The following SCUBE1 variants were observed in gnomAD, a reference collection of about 807,000 sequenced individuals.
The protein encoded by SCUBE1 is signal peptide, CUB and EGF-like domain-containing protein 1.
Under a neutral mutation model 124.4 loss-of-function variants are expected in SCUBE1, and 59 were observed. The observed-to-expected ratio is 0.47, with a 90% CI of 0.38 to 0.59. SCUBE1 has a LOEUF of 0.59. SCUBE1 is among the 20% of genes least tolerant of loss of function. SCUBE1 has a pLI of 0.00. For missense variants in SCUBE1, 1,150 were observed against 1,371.2 expected (o/e 0.84, Z 2.55); for synonymous variants, 545 against 550.9 (o/e 0.99, Z 0.15).
intron 4 of SCUBE1, among the ~76,000 whole-genome samples, chr22:43,263,057 C>T (rs376811241): frequency 1.1e-4 from 17 of 152,218 alleles, no homozygotes; most frequent in African/African-American, 2.4e-4. Flanking sequence ...AGCAAGGGCA[C>T]GGTGCCTGGG....
chr22:43,236,601 T>A (rs1487758817), intron 7 of SCUBE1, among the ~76,000 whole-genome samples: 1 of 152,210 alleles, frequency 6.6e-6, no homozygotes, highest in East Asian at 1.9e-4. Flanking sequence ...CCGCCTCCTT[T>A]GCGTCCTTCC....
intron 15 of SCUBE1, among the ~76,000 whole-genome samples, chr22:43,215,938 G>A (rs1000664243): frequency 3.3e-5 from 5 of 152,046 alleles, no homozygotes; most frequent in African/African-American, 1.2e-4. Flanking sequence ...TGGGAGACGG[G>A]GCAGATGTGG....
chr22:43,330,400 C>T (rs1041873850), intron 2 of SCUBE1, among the ~76,000 whole-genome samples: 1 of 152,180 alleles, frequency 6.6e-6, no homozygotes, highest in Non-Finnish European at 1.5e-5. Context: ...TGAATTTCTT[C>T]CCCTCCTCAG....
intron 3 of SCUBE1, among the ~76,000 whole-genome samples, chr22:43,319,580 A>AAAAG (rs869134813): frequency 6.7e-6 from 1 of 149,610 alleles, no homozygotes; most frequent in Non-Finnish European, 1.5e-5. Context: ...AAAAAAAAAA[A>AAAAG]GAAGAGGAGA....
chr22:43,243,357 TG>T, intron 6 of SCUBE1, among the ~76,000 whole-genome samples: 1 of 152,158 alleles, frequency 6.6e-6, no homozygotes, highest in Non-Finnish European at 1.5e-5. Context: ...CAGGGCTGGC[TG>T]GGGCTCGAAA....
At chr22:43,287,310 CT>C (rs1925184705) in intron 4 of SCUBE1, among the ~76,000 whole-genome samples, 3 of 152,236 alleles carry the variant, frequency 2.0e-5, no homozygotes, top group Admixed American at 2.0e-4. Flanking sequence ...GTCGCTACTC[CT>C]AGGACAGGTG....
intron 8 of SCUBE1, among the ~76,000 whole-genome samples, chr22:43,230,211 A>G (rs1192354440): frequency 2.0e-5 from 3 of 152,088 alleles, no homozygotes; most frequent in African/African-American, 7.2e-5. Context: ...CTAGGAGGTA[A>G]GAGCATGGGG....
chr22:43,236,280 G>A lies in SCUBE1; in HGVS notation c.844+2558C>T, dbSNP rs764373851. 2.6e-5 allele frequency among the ~76,000 whole-genome samples: 4 copies of A among 152,232 alleles called. No homozygotes were observed. In the East Asian group the frequency reaches 5.8e-4, roughly 22 times the overall value. On this transcript the variant is annotated intron_variant, in intron 7 of 21. Transcript: ENST00000360835. The stretch of plus-strand genomic sequence containing the variant: ...ACCAACCCTGGGGCTGGAGGCCACC[G>A]TCTGGTTTCTCAGGCTCCCTGAGGT...
intron 3 of SCUBE1, among the ~76,000 whole-genome samples, chr22:43,299,364 A>T (rs1284443963): frequency 1.3e-5 from 2 of 152,034 alleles, no homozygotes; most frequent in African/African-American, 4.8e-5. Context: ...GCAACAACAA[A>T]CCACATCAGA....
At chr22:43,308,046 A>T (rs9623807) in intron 3 of SCUBE1, among the ~76,000 whole-genome samples, 1 of 146,808 alleles carries the variant, frequency 6.8e-6, no homozygotes. Context: ...GTCAAAGGCC[A>T]CTCCACCCCG....
chr22:43,205,528 G>A (rs935117405), intron 21 of SCUBE1, among the ~76,000 whole-genome samples: 4 of 151,702 alleles, frequency 2.6e-5, no homozygotes, highest in African/African-American at 9.7e-5. Flanking sequence ...TGCTGTGTCT[G>A]GGGTGGACCT....
At chr22:43,257,782 C>T (rs914037900) in intron 6 of SCUBE1, among the ~76,000 whole-genome samples, 10 of 152,232 alleles carry the variant, frequency 6.6e-5, no homozygotes, top group Non-Finnish European at 1.2e-4. Context: ...CCATGACTAA[C>T]GTGGCTGTGT....
intron 10 of SCUBE1, among the ~76,000 whole-genome samples, chr22:43,226,979 C>T (rs1922343889): frequency 2.0e-5 from 3 of 152,164 alleles, no homozygotes; most frequent in Admixed American, 6.5e-5. Context: ...CCCTCAGCCT[C>T]CTCAGCAAGA....
chr22:43,212,778 C>T (rs1011364262), intron 16 of SCUBE1, 186 bp from the exon 17 acceptor site: 14 of 613,294 alleles, frequency 2.3e-5, no homozygotes, highest in Non-Finnish European at 3.7e-5. Context: ...GGCCCTGGTC[C>T]GGATGATGCC....
chr22:43,336,366 A>T (rs1927080280), intron 2 of SCUBE1, among the ~76,000 whole-genome samples: 2 of 151,492 alleles, frequency 1.3e-5, no homozygotes, highest in African/African-American at 4.9e-5. Flanking sequence ...CACACTCCGC[A>T]CTCCCCTCTG....
intron 2 of SCUBE1, among the ~76,000 whole-genome samples, chr22:43,320,310 A>C (rs1926500998): frequency 6.6e-6 from 1 of 152,148 alleles, no homozygotes; most frequent in Non-Finnish European, 1.5e-5. Context: ...GAGCCAGTGT[A>C]CAATTTCTGA....
intron 3 of SCUBE1, among the ~76,000 whole-genome samples, chr22:43,299,817 CAT>C (rs1198056210): frequency 9.2e-5 from 14 of 152,216 alleles, no homozygotes; most frequent in African/African-American, 3.4e-4. Context: ...CTGGAAACCA[CAT>C]GTCTACTTTC....
Position 43,320,061 on chromosome 22 carries a change from A to T in SCUBE1, c.225T>A (p.Ile75=). The T allele has an allele frequency of 1.2e-6, 2 of 1,613,908 alleles. No homozygotes were observed. The highest frequency in any genetic ancestry group is 1.7e-6 in the Non-Finnish European group (2 of 1,179,870). Residue 75 remains isoleucine (I), a synonymous_variant, in exon 3 of 22, where the codon ATT becomes ATA. Transcript: ENST00000360835. The stretch of plus-strand genomic sequence containing the variant: ...TGTAGTAGTCATTCTCACACTCGTC[A>T]ATGTCTGCAAAAGGAAGGGCATGAG... ...YKGEGKQCED[I]DECENDYYNG...
chr22:43,328,808 C>T (rs1190205296), intron 2 of SCUBE1, among the ~76,000 whole-genome samples: 2 of 152,212 alleles, frequency 1.3e-5, no homozygotes, highest in African/African-American at 2.4e-5. Context: ...GGCAACTCCA[C>T]ACCAGGCACC....
Sources: allele counts gnomAD v4.1 joint callset (sites outside exome capture counted in the v4.1 genomes callset), GRCh38; gene constraint gnomAD v4.1.1; transcripts MANE v1.5; gene names NCBI Gene and HGNC (gene_info 2026-07-23, HGNC 2026-07-21).